Variants in KCNIP4 observed in about 807,000 individuals in gnomAD.
KCNIP4 encodes potassium voltage-gated channel interacting protein 4, also known as Kv channel-interacting protein 4.
KCNIP4 carries 12 observed loss-of-function variants against 34.0 expected under a neutral mutation model. The ratio of observed to expected loss-of-function variants is 0.35; its 90% CI spans 0.23 to 0.57. The LOEUF is 0.57. KCNIP4 is among the 20% of genes least tolerant of loss of function. The pLI is 0.83. For synonymous variants in KCNIP4, 124 were observed against 102.2 expected, an observed-to-expected ratio of 1.21 and a Z score of -1.29; for missense variants, 238 against 311.7, an observed-to-expected ratio of 0.76 and a Z score of 1.78.
rs563476408 is a variant in KCNIP4, at chr4:21,781,698, T to C, written c.61+166873A>G. ...AATAAAATAGACTTTTTCCTCCTCT[T>C]GAATTTTTAATTTTTGTTTTGTATC... On this transcript the variant is annotated intron_variant, in intron 1 of 8. Transcript: ENST00000382152. Among the ~76,000 whole-genome samples, 6 of 152,270 alleles carry C rather than the reference T, an allele frequency of 3.9e-5. No homozygotes were observed. The South Asian group carries it at 1.0e-3, about 26-fold the overall frequency.
chr4:20,940,792 A>G (rs1310309154), intron 1 of KCNIP4, among the ~76,000 whole-genome samples: 1 of 152,170 alleles, frequency 6.6e-6, no homozygotes, highest in Admixed American at 6.5e-5. Context: ...ACCTTTGTCC[A>G]TGTTGTTCTG....
intron 1 of KCNIP4, among the ~76,000 whole-genome samples, chr4:21,722,978 C>A (rs903213952): frequency 9.9e-5 from 15 of 152,028 alleles, no homozygotes; most frequent in African/African-American, 3.6e-4. Flanking sequence ...CAGACAAAAA[C>A]AAACAAACAA....
intron 1 of KCNIP4, among the ~76,000 whole-genome samples, chr4:20,945,834 GGGACATGAGCTCAGGA>G: frequency 6.6e-6 from 1 of 152,176 alleles, no homozygotes; most frequent in Non-Finnish European, 1.5e-5. Context: ...GTTCGATTTG[GGGACATGAGCTCAGGA>G]GGACACGTAA....
chr4:21,301,544 T>C (rs1711702052), intron 1 of KCNIP4, among the ~76,000 whole-genome samples: 1 of 152,134 alleles, frequency 6.6e-6, no homozygotes, highest in African/African-American at 2.4e-5. Context: ...AATAAATCAT[T>C]ATCTTCTGAA....
At chr4:21,551,908 A>T (rs1738614178) in intron 1 of KCNIP4, among the ~76,000 whole-genome samples, 1 of 152,158 alleles carries the variant, frequency 6.6e-6, no homozygotes, top group Non-Finnish European at 1.5e-5. Context: ...CAGATACAGT[A>T]AAATATTCAA....
chr4:20,851,840 C>T (rs1721062086), intron 2 of KCNIP4, among the ~76,000 whole-genome samples: 1 of 152,152 alleles, frequency 6.6e-6, no homozygotes. Flanking sequence ...TAAAATGCAA[C>T]TACAAGATAG....
intron 1 of KCNIP4, among the ~76,000 whole-genome samples, chr4:21,771,619 TG>T (rs1226626568): frequency 6.6e-6 from 1 of 152,124 alleles, no homozygotes; most frequent in Non-Finnish European, 1.5e-5. Context: ...CTTAGTTCCT[TG>T]AGCAGTGATC....
rs373059715 is a variant in KCNIP4, at chr4:21,402,949, C to T, written c.62-520240G>A. 1.2e-3 allele frequency among the ~76,000 whole-genome samples: 188 copies of T among 152,302 alleles called. 2 individuals are homozygous for T. The highest frequency in any genetic ancestry group is 2.0e-3 in the Admixed American group (30 of 15,298). On this transcript the variant is annotated intron_variant, in intron 1 of 8. Coordinates refer to ENST00000382152, the MANE Select transcript of KCNIP4 (RefSeq NM_025221.6). ...GTCCTATGTTCTTTATAATTAAGTTCTTTTGCTCTGGCATCCCTTCTTAGG... is the reference window on the plus strand; with the variant it reads ...GTCCTATGTTCTTTATAATTAAGTTTTTTTGCTCTGGCATCCCTTCTTAGG...
intron 1 of KCNIP4, among the ~76,000 whole-genome samples, chr4:21,629,054 G>A (rs1048135763): frequency 1.3e-5 from 2 of 152,158 alleles, no homozygotes; most frequent in Non-Finnish European, 2.9e-5. Flanking sequence ...AAGGTGTTGG[G>A]TGGGTCACAG....
At chr4:21,507,011 T>C (rs1308370889) in intron 1 of KCNIP4, among the ~76,000 whole-genome samples, 2 of 151,888 alleles carry the variant, frequency 1.3e-5, no homozygotes, top group East Asian at 3.9e-4. Flanking sequence ...TGGTGTCAAA[T>C]TCCCAGCCTC....
intron 1 of KCNIP4, among the ~76,000 whole-genome samples, chr4:21,010,523 C>T (rs1391079195): frequency 6.6e-6 from 1 of 151,946 alleles, no homozygotes; most frequent in Non-Finnish European, 1.5e-5. Flanking sequence ...GACCTTTATG[C>T]GATGAATTTG....
chr4:21,499,793 C>T (rs1219250539), intron 1 of KCNIP4, among the ~76,000 whole-genome samples: 1 of 152,076 alleles, frequency 6.6e-6, no homozygotes. Context: ...TATAATTTTG[C>T]ATAGACACTT....
intron 1 of KCNIP4, among the ~76,000 whole-genome samples, chr4:21,250,616 T>C (rs1280507232): frequency 6.6e-6 from 1 of 152,170 alleles, no homozygotes; most frequent in African/African-American, 2.4e-5. Flanking sequence ...TTCAAAACTA[T>C]ATTTTTACTT....
rs78559107 is a variant in KCNIP4 at position 21,243,433 on chromosome 4, A to G, written c.62-360724T>C. 9.4e-3 allele frequency among the ~76,000 whole-genome samples: 1,434 copies of G among 152,310 alleles called. 26 individuals carry two copies. Among genetic ancestry groups the G allele is most frequent in the African/African-American group, 0.033 (1,359 of 41,562 alleles). On this transcript the variant is annotated intron_variant, in intron 1 of 8. Coordinates refer to ENST00000382152, the MANE Select transcript of KCNIP4 (RefSeq NM_025221.6). ...AATTATTAAGCAGATGGCATTGTAC[A>G]TAAAGTTTGCAAAGAAGCCTACTAA...
At chr4:21,104,340 G>A (rs1331679641) in intron 1 of KCNIP4, among the ~76,000 whole-genome samples, 1 of 152,070 alleles carries the variant, frequency 6.6e-6, no homozygotes, top group South Asian at 2.1e-4. Context: ...TTCTCTCATG[G>A]CCAGTGATGA....
chr4:20,848,340 G>A (rs968188906), intron 3 of KCNIP4, among the ~76,000 whole-genome samples: 33 of 151,620 alleles, frequency 2.2e-4, no homozygotes, highest in Admixed American at 1.3e-4. Flanking sequence ...TTCACAAGGG[G>A]AAGAGACAGA....
chr4:20,740,473 T>G (rs954564466), intron 5 of KCNIP4, among the ~76,000 whole-genome samples: 4 of 152,152 alleles, frequency 2.6e-5, no homozygotes, highest in Non-Finnish European at 5.9e-5. Context: ...CCAGCCAAAC[T>G]AAGCTTCATA....
At chr4:21,283,414 C>T (rs370211053) in intron 1 of KCNIP4, among the ~76,000 whole-genome samples, 2 of 151,952 alleles carry the variant, frequency 1.3e-5, no homozygotes, top group South Asian at 2.1e-4. Context: ...CATCTTTTAA[C>T]GTTTTCTCTC....
At chr4:21,678,033 T>C (rs1481928219) in intron 1 of KCNIP4, among the ~76,000 whole-genome samples, 1 of 152,184 alleles carries the variant, frequency 6.6e-6, no homozygotes, top group Non-Finnish European at 1.5e-5. Flanking sequence ...ACTACAGGCG[T>C]GAGCCACTGC....
Sources: allele counts gnomAD v4.1 joint callset (sites outside exome capture counted in the v4.1 genomes callset), GRCh38; gene constraint gnomAD v4.1.1; transcripts MANE v1.5; gene names NCBI Gene and HGNC (gene_info 2026-07-23, HGNC 2026-07-21).